The following AKT3 variants were observed in gnomAD, a reference collection of about 807,000 sequenced individuals.
AKT3 encodes the protein RAC-gamma serine/threonine-protein kinase.
AKT3 carries 15 observed loss-of-function variants against 65.3 expected under a neutral mutation model. The ratio of observed to expected loss-of-function variants is 0.23; its 90% CI spans 0.15 to 0.35. The LOEUF is 0.35. Ranked by LOEUF, AKT3 falls within the 10% of genes least tolerant of loss-of-function variation. AKT3 has a pLI of 1.00. For missense variants in AKT3, 243 were observed against 576.5 expected (o/e 0.42, Z 5.92); for synonymous variants, 206 against 183.8 (o/e 1.12, Z -0.98).
intron 2 of AKT3, among the ~76,000 whole-genome samples, chr1:243,809,333 G>A (rs1252782348): frequency 6.6e-6 from 1 of 152,084 alleles, no homozygotes; most frequent in East Asian, 1.9e-4. Flanking sequence ...AGGGATGGAG[G>A]AAGATCTACC....
intron 2 of AKT3, among the ~76,000 whole-genome samples, chr1:243,771,361 T>C (rs1354491288): frequency 1.3e-5 from 2 of 152,184 alleles, no homozygotes; most frequent in African/African-American, 2.4e-5. Context: ...TTCCATGTTC[T>C]ATTCTGTGCA....
chr1:243,697,413 T>A (rs1685123357), intron 2 of AKT3, among the ~76,000 whole-genome samples: 1 of 151,874 alleles, frequency 6.6e-6, no homozygotes. Context: ...AAGGGAAAAA[T>A]ATTCAGATAG....
intron 6 of AKT3, among the ~76,000 whole-genome samples, chr1:243,616,307 T>TAA (rs57576796): frequency 0.54 from 35,953 of 66,624 alleles, 12,606 homozygotes; most frequent in Non-Finnish European, 0.7. Flanking sequence ...GTGCTTTTCT[T>TAA]AAAAAAAAAA....
intron 2 of AKT3, among the ~76,000 whole-genome samples, chr1:243,797,368 A>T (rs2148355443): frequency 6.6e-6 from 1 of 152,284 alleles, no homozygotes; most frequent in South Asian, 2.1e-4. Context: ...GTTACAGAGT[A>T]GGCACCTGGG....
intron 13 of AKT3, 74 bp from the exon 14 acceptor site, chr1:243,505,408 A>G: frequency 2.3e-6 from 3 of 1,325,574 alleles, no homozygotes; most frequent in Non-Finnish European, 3.2e-6. Flanking sequence ...TATGTTTTTT[A>G]AACTCTGAAC....
intron 2 of AKT3, among the ~76,000 whole-genome samples, chr1:243,798,786 CCTT>C (rs1402387909): frequency 2.6e-5 from 4 of 152,176 alleles, no homozygotes; most frequent in African/African-American, 9.7e-5. Flanking sequence ...CCCATTCACT[CCTT>C]AACCTTCAAC....
chr1:243,642,004 A>T (rs1680428557), intron 5 of AKT3, among the ~76,000 whole-genome samples: 1 of 152,204 alleles, frequency 6.6e-6, no homozygotes, highest in African/African-American at 2.4e-5. Flanking sequence ...CTAAAAAAAA[A>T]GTATGACAGC....
chr1:243,821,192 C>T (rs1273695876), intron 2 of AKT3, among the ~76,000 whole-genome samples: 1 of 151,992 alleles, frequency 6.6e-6, no homozygotes, highest in Non-Finnish European at 1.5e-5. Flanking sequence ...GCTTCATAGG[C>T]TTAGTTTGGA....
intron 2 of AKT3, chr1:243,703,086 T>A (rs1404634967): frequency 4.6e-5 from 7 of 152,210 alleles, no homozygotes; most frequent in African/African-American, 1.7e-4. Context: ...CAGCATAAAA[T>A]CTATTTAATT....
intron 3 of AKT3, among the ~76,000 whole-genome samples, chr1:243,680,944 G>A (rs1262793418): frequency 1.3e-5 from 2 of 152,132 alleles, no homozygotes; most frequent in Admixed American, 6.6e-5. Context: ...AGACAGACTA[G>A]TCTAGAGGCA....
chr1:243,686,576 T>TCTATCTTAC (rs1558719315), intron 3 of AKT3, among the ~76,000 whole-genome samples: 1 of 143,394 alleles, frequency 7.0e-6, no homozygotes, highest in Non-Finnish European at 1.5e-5. Flanking sequence ...CTAAGTACCT[T>TCTATCTTAC]CTATCTTACG....
rs549660179 is a variant in AKT3, at chr1:243,514,794, C to T, written c.1252-2368G>A. ...TGAGCCAAGATTATGCTATTGCATT[C>T]CAACCCGGCCGGGGCGAACGAGTAA... On this transcript the variant is annotated intron_variant, in intron 12 of 13. Transcript: ENST00000673466. 7.1e-4 allele frequency among the ~76,000 whole-genome samples: 108 copies of T among 152,244 alleles called. 1 individual carries two copies. Among genetic ancestry groups the T allele is most frequent in the Admixed American group, 1.3e-3 (20 of 15,294 alleles).
At chr1:243,590,649 AAAAT>A (rs1246437088) in intron 8 of AKT3, among the ~76,000 whole-genome samples, 1 of 152,170 alleles carries the variant, frequency 6.6e-6, no homozygotes, top group Admixed American at 6.5e-5. Flanking sequence ...AACAACATCT[AAAAT>A]AAAAAATTCA....
chr1:243,551,879 T>C (rs957593297), intron 11 of AKT3, among the ~76,000 whole-genome samples: 1 of 152,164 alleles, frequency 6.6e-6, no homozygotes. Context: ...GCAAGAGCCA[T>C]AGAGTTCTTC....
At chr1:243,711,001 T>C (rs1686113694) in intron 2 of AKT3, among the ~76,000 whole-genome samples, 1 of 152,178 alleles carries the variant, frequency 6.6e-6, no homozygotes, top group Admixed American at 6.5e-5. Context: ...TTTTTAAGTA[T>C]GAAAAATAAT....
At chr1:243,549,726 C>T (rs1672913625) in intron 11 of AKT3, among the ~76,000 whole-genome samples, 1 of 152,002 alleles carries the variant, frequency 6.6e-6, no homozygotes, top group South Asian at 2.1e-4. Context: ...TGCCTGGCCC[C>T]ATAAACACTT....
In AKT3 at chr1:243,536,682, A is replaced by C. The variant is rs560749053; in HGVS notation, c.1251+8828T>G. Among the ~76,000 whole-genome samples the C allele has an allele frequency of 1.1e-3, 161 of 152,262 alleles. 1 individual carries two copies. Among genetic ancestry groups the C allele is most frequent in the African/African-American group, 3.8e-3 (158 of 41,556 alleles). Reference sequence around the variant, plus strand: ...TTCCTAACCCAATTTGAAGGCTTTTAAAGCTTTAACTGTATACATTTTATG... The same window carrying C: ...TTCCTAACCCAATTTGAAGGCTTTTCAAGCTTTAACTGTATACATTTTATG... On this transcript the variant is annotated intron_variant, in intron 12 of 13. Transcript: ENST00000673466.
chr1:243,740,787 T>A (rs1043553719), intron 2 of AKT3: 1 of 152,252 alleles, frequency 6.6e-6, no homozygotes, highest in Non-Finnish European at 1.5e-5. Flanking sequence ...AACTCAGACC[T>A]CCACTTGGAC....
chr1:243,560,992 A>C (rs1041172792), intron 10 of AKT3, among the ~76,000 whole-genome samples: 2 of 152,130 alleles, frequency 1.3e-5, no homozygotes, highest in African/African-American at 4.8e-5. Context: ...AAACAATTCT[A>C]TTCTAGAAAA....
Sources: allele counts gnomAD v4.1 joint callset (sites outside exome capture counted in the v4.1 genomes callset), GRCh38; gene constraint gnomAD v4.1.1; transcripts MANE v1.5; gene names NCBI Gene and HGNC (gene_info 2026-07-23, HGNC 2026-07-21).